The following UPRT variants were observed in gnomAD, a reference collection of about 807,000 sequenced individuals.
UPRT encodes RP11-311P8.3.
In UPRT, 5 loss-of-function variants were observed where a neutral mutation model predicts 22.6. The ratio of observed to expected loss-of-function variants is 0.22; its 90% confidence interval spans 0.12 to 0.47. The LOEUF is 0.47. Ranked by LOEUF, UPRT falls within the 20% of genes least tolerant of loss-of-function variation. The pLI is 0.99. For missense variants in UPRT, 181 were observed against 239.9 expected (o/e 0.75, Z 1.62); for synonymous variants, 77 against 87.7 (o/e 0.88, Z 0.68).
chrX:75,180,192 G>A (rs752870505), intron 4 of UPRT, among the ~76,000 whole-genome samples: 5 of 112,472 alleles, frequency 4.4e-5, no homozygotes, highest in African/African-American at 1.6e-4. Flanking sequence ...TTCAGTTGGA[G>A]GTTTCCTTCT....
intron 4 of UPRT, among the ~76,000 whole-genome samples, chrX:75,179,646 G>T (rs951537280): frequency 8.8e-6 from 1 of 113,402 alleles, no homozygotes; most frequent in African/African-American, 3.2e-5. Flanking sequence ...CAGACTGCAG[G>T]TCCTGAGCCC....
chrX:75,160,873 G>A (rs1400485174), intron 2 of UPRT, among the ~76,000 whole-genome samples: 4 of 111,713 alleles, frequency 3.6e-5, no homozygotes, highest in African/African-American at 6.5e-5. Flanking sequence ...GCAGTTCAAC[G>A]AAATACCTCA....
chrX:75,239,664 C>T (rs917436186), intron 4 of UPRT, among the ~76,000 whole-genome samples: 4 of 111,188 alleles, frequency 3.6e-5, no homozygotes, highest in African/African-American at 1.3e-4. Context: ...ATACTACAGA[C>T]CAATATCCTG....
At chrX:75,268,557 G>A (rs1264928497) in intron 4 of UPRT, among the ~76,000 whole-genome samples, 2 of 111,293 alleles carry the variant, frequency 1.8e-5, no homozygotes, top group Non-Finnish European at 3.8e-5. Flanking sequence ...AAGCTTGTCT[G>A]TCACGATCAA....
chrX:75,261,502 G>A lies in UPRT; in HGVS notation c.-446-29522G>A, dbSNP rs192621761. 7.2e-5 allele frequency among the ~76,000 whole-genome samples: 8 copies of A among 111,584 alleles called. No homozygotes were observed. The East Asian group carries it at 1.4e-3, about 20-fold the overall frequency. Reference sequence around the variant, plus strand: ...GAATCTCTGAATACACCAATAACACGCTCTGAAATTGAAGCAATAATTAAT... The same window carrying A: ...GAATCTCTGAATACACCAATAACACACTCTGAAATTGAAGCAATAATTAAT... On this transcript the variant is annotated intron_variant, in intron 4 of 13. Transcript: ENST00000652605.
At chrX:75,220,807 G>T (rs1304079904) in intron 4 of UPRT, among the ~76,000 whole-genome samples, 1 of 111,328 alleles carries the variant, frequency 9.0e-6, no homozygotes, top group African/African-American at 3.3e-5. Flanking sequence ...AGTTGTTTTT[G>T]ATCTGTTCAT....
chrX:75,243,958 A>C (rs191885735), intron 4 of UPRT, among the ~76,000 whole-genome samples: 11 of 112,010 alleles, frequency 9.8e-5, no homozygotes, highest in Non-Finnish European at 1.9e-5. Flanking sequence ...TTTTCAAATG[A>C]GAGACCCTTT....
intron 4 of UPRT, among the ~76,000 whole-genome samples, chrX:75,207,888 G>A (rs959141437): frequency 8.9e-6 from 1 of 111,790 alleles, no homozygotes; most frequent in Non-Finnish European, 1.9e-5. Context: ...ATATACAGAG[G>A]AAAGAGCTTG....
chrX:75,188,540 G>A (rs1366157293), intron 4 of UPRT, among the ~76,000 whole-genome samples: 2 of 112,846 alleles, frequency 1.8e-5, no homozygotes, highest in Non-Finnish European at 3.8e-5. Flanking sequence ...TTGAGCTGTG[G>A]TGGGCTCCAC....
intron 4 of UPRT, among the ~76,000 whole-genome samples, chrX:75,236,264 G>A (rs1014928380): frequency 1.8e-5 from 2 of 111,264 alleles, no homozygotes; most frequent in Non-Finnish European, 3.8e-5. Context: ...CCTCTTCAAG[G>A]ATAACTACAA....
chrX:75,252,722 G>T (rs1033252390), intron 4 of UPRT, among the ~76,000 whole-genome samples: 8 of 112,107 alleles, frequency 7.1e-5, no homozygotes, highest in African/African-American at 2.6e-4. Flanking sequence ...AAATCATGCT[G>T]CTATAAAGAC....
intron 4 of UPRT, among the ~76,000 whole-genome samples, chrX:75,298,099 C>A (rs768915498): frequency 2.8e-5 from 3 of 108,628 alleles, no homozygotes; most frequent in Admixed American, 9.9e-5. Flanking sequence ...CCACCTCAGC[C>A]TCCTGAGCAG....
intron 4 of UPRT, among the ~76,000 whole-genome samples, chrX:75,187,257 T>A (rs1440373207): frequency 9.0e-6 from 1 of 111,033 alleles, no homozygotes; most frequent in Non-Finnish European, 1.9e-5. Flanking sequence ...GTCTGTAAAA[T>A]ATTTTATTTC....
rs890302038 is a variant in UPRT, at chrX:75,255,672, T to G, written c.-446-35352T>G. On this transcript the variant is annotated intron_variant, in intron 4 of 13. Coordinates refer to the UPRT transcript ENST00000652605. ...GAAGGTAAAGGGATGGAAAGAGACATTTCATGCAAATGGACACCAAAAGCG... is the reference window on the plus strand; with the variant it reads ...GAAGGTAAAGGGATGGAAAGAGACAGTTCATGCAAATGGACACCAAAAGCG... Among the ~76,000 whole-genome samples, 5 of 111,740 alleles carry G rather than the reference T, an allele frequency of 4.5e-5. No individual in the cohort carries two copies. In the Admixed American group the frequency reaches 4.8e-4, roughly 11 times the overall value.
intron 2 of UPRT, among the ~76,000 whole-genome samples, chrX:75,160,904 A>G (rs933179124): frequency 8.9e-6 from 1 of 112,129 alleles, no homozygotes; most frequent in Admixed American, 9.5e-5. Flanking sequence ...TTTGAAAAGT[A>G]TATGTATGTA....
chrX:75,229,692 A>G (rs1371083897), intron 4 of UPRT, among the ~76,000 whole-genome samples: 1 of 111,870 alleles, frequency 8.9e-6, no homozygotes, highest in Non-Finnish European at 1.9e-5. Flanking sequence ...TAGAAGAAGC[A>G]GTTTGAAGAG....
intron 4 of UPRT, among the ~76,000 whole-genome samples, chrX:75,268,796 A>G (rs1307084807): frequency 3.6e-5 from 4 of 112,117 alleles, no homozygotes; most frequent in African/African-American, 9.7e-5. Flanking sequence ...ACCCACAACC[A>G]ATATCATACT....
intron 4 of UPRT, among the ~76,000 whole-genome samples, chrX:75,216,270 A>T (rs1013612627): frequency 3.6e-5 from 4 of 112,468 alleles, no homozygotes; most frequent in Non-Finnish European, 7.5e-5. Context: ...TCACATAATC[A>T]TATTCAATAA....
chrX:75,298,656 A>G (rs1169660447), intron 4 of UPRT, among the ~76,000 whole-genome samples: 1 of 112,656 alleles, frequency 8.9e-6, no homozygotes, highest in African/African-American at 3.2e-5. Context: ...GTGAACAATT[A>G]AATGCCTCAA....
Sources: gnomAD v4.1 joint callset for allele counts (sites outside exome capture counted in the v4.1 genomes callset) on GRCh38, gnomAD v4.1.1 for gene constraint, MANE v1.5 for transcripts, NCBI Gene and HGNC (gene_info 2026-07-23, HGNC 2026-07-21) for gene names.